The following EIF2D variants were observed in gnomAD, a reference collection of about 807,000 sequenced individuals.
EIF2D encodes the protein eukaryotic translation initiation factor 2D, also known as hepatocellular carcinoma-associated antigen 56.
Under a neutral mutation model 77.4 loss-of-function variants are expected in EIF2D, and 56 were observed. The observed-to-expected ratio is 0.72, with a 90% CI of 0.58 to 0.90. EIF2D has a LOEUF of 0.90. Ranked by LOEUF, EIF2D falls within the 40% of genes least tolerant of loss-of-function variation. The pLI is 0.00. For synonymous variants in EIF2D, 230 were observed against 271.0 expected (o/e 0.85, Z 1.49); for missense variants, 574 against 706.5 (o/e 0.81, Z 2.13).
intron 3 of EIF2D, among the ~76,000 whole-genome samples, chr1:206,609,001 G>A (rs543976491): frequency 4.0e-5 from 6 of 151,792 alleles, no homozygotes; most frequent in African/African-American, 7.3e-5. Flanking sequence ...GTAGTGAGCC[G>A]AGATCATGCC....
Position 206,611,169 on chromosome 1 carries a change from G to T in EIF2D, c.247+15C>A, listed in dbSNP as rs201825775. ...CTACCTAATGGTAATGGCCATCTTCGTCCTGTTGTCATACCTGTTGGATAC... is the reference window on the plus strand; with the variant it reads ...CTACCTAATGGTAATGGCCATCTTCTTCCTGTTGTCATACCTGTTGGATAC... On this transcript the variant is annotated intron_variant, in intron 2 of 14. Coordinates refer to ENST00000271764, the MANE Select transcript of EIF2D (RefSeq NM_006893.3). The T allele has an allele frequency of 8.7e-6, 14 of 1,602,210 alleles. No homozygotes were observed. The African/African-American group carries it at 1.9e-4, about 21-fold the overall frequency.
At chr1:206,610,703 T>C (rs563293650) in intron 2 of EIF2D, among the ~76,000 whole-genome samples, 40 of 151,662 alleles carry the variant, frequency 2.6e-4, no homozygotes, top group African/African-American at 9.7e-4. Flanking sequence ...TGCCTGTAGT[T>C]CCTGCTACTC....
chr1:206,600,579 G>A (rs1238369448), intron 7 of EIF2D: 7 of 398,228 alleles, frequency 1.8e-5, no homozygotes, highest in African/African-American at 6.1e-5. Flanking sequence ...TGGGTAGTAA[G>A]TACTTGAAGT....
At chr1:206,578,158 C>A (rs371863146) in intron 4 of EIF2D, among the ~76,000 whole-genome samples, 1 of 150,944 alleles carries the variant, frequency 6.6e-6, no homozygotes, top group Non-Finnish European at 1.5e-5. Context: ...CCTAGGAGGT[C>A]GAGGCTGCAG....
At position 206,595,717 on chromosome 1, in the gene EIF2D, C is replaced by T. The variant is rs782654209; in HGVS notation, c.1509+1G>A. Reference sequence around the variant, plus strand: ...TGAACATTGTGTCTTTCTAAAATTACCTTTTTATTAGACGCTCTTTGTGCT... The same window carrying T: ...TGAACATTGTGTCTTTCTAAAATTATCTTTTTATTAGACGCTCTTTGTGCT... On this transcript the variant is annotated splice_donor_variant, in intron 13 of 14. Coordinates refer to ENST00000271764, the MANE Select transcript of EIF2D (RefSeq NM_006893.3). LOFTEE classifies it high-confidence loss of function. 1 of 1,613,020 alleles carries T rather than the reference C, an allele frequency of 6.2e-7. No homozygotes were observed. The highest frequency in any genetic ancestry group is 8.5e-7 in the Non-Finnish European group (1 of 1,179,318).
At position 206,593,508 on chromosome 1, in the gene EIF2D, A is replaced by AGTGTGTGTGTGTGT. The variant is rs782562616; in HGVS notation, c.1684+97_1684+110dup. Reference sequence around the variant, plus strand: ...GAGAGCGAGAGAGAGAGAGAGAGAGAGTGTGTGTGTGTGTGTGTGTGTGTG... The same window carrying AGTGTGTGTGTGTGT: ...GAGAGCGAGAGAGAGAGAGAGAGAGAGTGTGTGTGTGTGTGTGTGTGTGTGTGTGTGTGTGTGTG... On this transcript the variant is annotated intron_variant, in intron 14 of 14. Coordinates refer to ENST00000271764, the MANE Select transcript of EIF2D (RefSeq NM_006893.3). 1.0e-2 allele frequency: 3,994 copies of AGTGTGTGTGTGTGT among 399,558 alleles called. 38 individuals are homozygous for AGTGTGTGTGTGTGT. The highest frequency in any genetic ancestry group is 0.012 in the Non-Finnish European group (2,803 of 232,684). The allele number at this position is 399,558 out of a possible 1,614,324, so 24.8% of individuals were successfully genotyped here. A position where few individuals can be genotyped will look rare whatever the true frequency, so the allele number is the denominator to read the frequency against.
Position 206,584,276 on chromosome 1 carries a change from G to A in EIF2D, c.139-3114C>T, listed in dbSNP as rs1669013256. On this transcript the variant is annotated intron_variant and NMD_transcript_variant, in intron 2 of 5. Transcript: ENST00000472709. The surrounding 1 kb of genome is among the most constrained non-coding windows in gnomAD (Gnocchi z 4.9). ...AGCTCTCCCACGTCAGCAGAGGCAG[G>A]AAAGAACTCAAGGAGACAGGTGGGT... 9.4e-7 allele frequency: 1 copy of A among 1,068,068 alleles called. No homozygotes were observed. Among genetic ancestry groups the A allele is most frequent in the Admixed American group, 2.8e-5 (1 of 36,030 alleles). 66.2% of individuals were successfully genotyped at this position (1,068,068 alleles called of 1,614,324 possible).
chr1:206,593,571 CT>C, intron 14 of EIF2D, 47 bp downstream of exon 14: 1 of 1,482,542 alleles, frequency 6.7e-7, no homozygotes, highest in Non-Finnish European at 9.1e-7. Flanking sequence ...GCAGGAAGGT[CT>C]TTGCTGAGCT....
At chr1:206,612,172 T>C in intron 1 of EIF2D, 115 bp downstream of exon 1, 1 of 1,420,560 alleles carries the variant, frequency 7.0e-7, no homozygotes, top group Non-Finnish European at 9.9e-7. Context: ...TTCCCTGGCA[T>C]ACCCCTCGGC....
At chr1:206,586,755 C>G, downstream of EIF2D, 5 of 1,218,806 alleles carry the variant, frequency 4.1e-6, no homozygotes, top group Non-Finnish European at 5.9e-6. Context: ...AGCAGGGTCT[C>G]TCAGGTCGTG....
At chr1:206,586,976 T>C, downstream of EIF2D, 1 of 1,614,094 alleles carries the variant, frequency 6.2e-7, no homozygotes, top group Non-Finnish European at 8.5e-7. Flanking sequence ...CAAACCTGGG[T>C]AACCGGTCCT....
downstream of EIF2D, chr1:206,591,587 G>A: frequency 1.6e-6 from 1 of 621,948 alleles, no homozygotes; most frequent in Non-Finnish European, 2.8e-6. Flanking sequence ...GAATACTCCC[G>A]ACTTCAAAAA....
At chr1:206,602,107 T>C in intron 7 of EIF2D, 1 of 492,164 alleles carries the variant, frequency 2.0e-6, no homozygotes, top group South Asian at 2.8e-5. Flanking sequence ...CGGTCCTCAA[T>C]ATCCTTTCAT....
At chr1:206,573,568 C>A (rs1553404599) in intron 4 of EIF2D, among the ~76,000 whole-genome samples, 1 of 152,208 alleles carries the variant, frequency 6.6e-6, no homozygotes, top group African/African-American at 2.4e-5. Flanking sequence ...CCTCAAGAAC[C>A]ACTGAAGCAA....
intron 4 of EIF2D, among the ~76,000 whole-genome samples, chr1:206,580,165 G>T (rs1368248738): frequency 3.3e-5 from 5 of 152,322 alleles, no homozygotes; most frequent in South Asian, 2.1e-4. Context: ...AGATAGATGG[G>T]TCTATCTGCT....
rs781814131 is a variant in EIF2D, at chr1:206,611,186, G to T, written c.245C>A (p.Thr82Lys). 6.2e-7 allele frequency: 1 copy of T among 1,612,230 alleles called. No homozygotes were observed. The highest frequency in any genetic ancestry group is 8.5e-7 in the Non-Finnish European group (1 of 1,178,612). ...LFELEKNLYP[T>K]VYTLWSYPDL... Reference sequence around the variant, plus strand: ...CCATCTTCGTCCTGTTGTCATACCTGTTGGATACAGATTTTTCTCCAGTTC... The same window carrying T: ...CCATCTTCGTCCTGTTGTCATACCTTTTGGATACAGATTTTTCTCCAGTTC... Residue 82 changes from threonine to lysine, a missense_variant and splice_region_variant, in exon 2 of 15, where the codon ACA (threonine) becomes AAA (lysine). Thr to Lys is a moderately conservative substitution (Grantham distance 78, BLOSUM62 -1). Transcript: ENST00000271764.
intron 2 of EIF2D, chr1:206,585,511 G>A: frequency 2.4e-6 from 1 of 418,186 alleles, no homozygotes; most frequent in Non-Finnish European, 4.3e-6. Flanking sequence ...GCCTGTGTGT[G>A]GCAAGGCCTG....
intron 3 of EIF2D, among the ~76,000 whole-genome samples, chr1:206,608,613 T>G (rs1025157221): frequency 3.9e-5 from 6 of 152,226 alleles, no homozygotes; most frequent in Non-Finnish European, 7.3e-5. Context: ...CGCAGTGCCT[T>G]ATGCCTGTGG....
rs934478314 is a variant in EIF2D, at chr1:206,612,436, C to G, written c.-94G>C. The G allele has an allele frequency of 7.1e-6, 11 of 1,539,780 alleles. No individual in the cohort carries two copies. Among genetic ancestry groups the G allele is most frequent in the Middle Eastern group, 1.7e-4 (1 of 5,968 alleles). Reference sequence around the variant, plus strand: ...GCTGCCAGGCCCTCAGCCGTGGGGGCAGCCATGCTGGGGCCCGGCCGCGAA... The same window carrying G: ...GCTGCCAGGCCCTCAGCCGTGGGGGGAGCCATGCTGGGGCCCGGCCGCGAA... On this transcript the variant is annotated 5_prime_UTR_variant, in exon 1 of 15. Coordinates refer to ENST00000271764, the MANE Select transcript of EIF2D (RefSeq NM_006893.3).
Sources: allele counts gnomAD v4.1 joint callset (sites outside exome capture counted in the v4.1 genomes callset), GRCh38; gene constraint gnomAD v4.1.1; non-coding constraint Gnocchi (gnomAD v3.1); transcripts MANE v1.5; gene names NCBI Gene and HGNC (gene_info 2026-07-23, HGNC 2026-07-21).